The following CWF19L2 variants were observed in gnomAD, a reference collection of about 807,000 sequenced individuals.
CWF19L2 encodes CWF19-like protein 2.
Under a neutral mutation model 111.7 loss-of-function variants are expected in CWF19L2, and 98 were observed. The observed-to-expected ratio is 0.88, with a 90% CI of 0.75 to 1.04. The LOEUF (loss-of-function observed/expected upper bound fraction) is 1.04. CWF19L2 is among the 50% of genes least tolerant of loss of function. CWF19L2 has a pLI of 0.00. For missense variants in CWF19L2, 1,101 were observed against 1,051.4 expected, an observed-to-expected ratio of 1.05 and a Z score of -0.65; for synonymous variants, 351 against 342.9, an observed-to-expected ratio of 1.02 and a Z score of -0.26.
chr11:107,388,229 A>G (rs1168508062), intron 12 of CWF19L2, among the ~76,000 whole-genome samples: 2 of 152,202 alleles, frequency 1.3e-5, no homozygotes, highest in Non-Finnish European at 2.9e-5. Flanking sequence ...ATATTGTTAC[A>G]TAGTTTATAT....
At chr11:107,348,197 T>C (rs1207769154) in intron 14 of CWF19L2, among the ~76,000 whole-genome samples, 1 of 152,160 alleles carries the variant, frequency 6.6e-6, no homozygotes, top group Admixed American at 6.6e-5. Flanking sequence ...CTTATCAGCA[T>C]GCTGCAAAGA....
rs143772708 is a variant in CWF19L2 at position 107,441,546 on chromosome 11, G to A, written c.527C>T (p.Thr176Ile). Residue 176 changes from threonine (T) to isoleucine (I), a missense_variant, in exon 5 of 18, where the codon ACT becomes ATT. Transcript: ENST00000282251. ...SSSSLKAEKE[T>I]MRKIEQEKNQ... is the part of the protein sequence containing the mutation. ...TTTCTCTTGCTCTATTTTCCTCATA[G>A]TTTCCTTTTCAGCTTTGAGTGATGA... 218 of 1,550,460 alleles carry A rather than the reference G, an allele frequency of 1.4e-4. 2 individuals carry two copies. The African/African-American group carries it at 2.8e-3, about 20-fold the overall frequency.
At chr11:107,356,565 A>G (rs1860239879) in intron 12 of CWF19L2, among the ~76,000 whole-genome samples, 1 of 152,194 alleles carries the variant, frequency 6.6e-6, no homozygotes, top group Admixed American at 6.5e-5. Context: ...ACAAATTATT[A>G]TTTTAAATTT....
intron 6 of CWF19L2, among the ~76,000 whole-genome samples, chr11:107,436,020 G>C (rs1055812821): frequency 9.9e-5 from 15 of 151,986 alleles, no homozygotes; most frequent in Non-Finnish European, 1.5e-4. Context: ...TGGGTGTGGT[G>C]GCATGCACCT....
chr11:107,373,331 C>A (rs1416486989), intron 12 of CWF19L2, among the ~76,000 whole-genome samples: 1 of 130,480 alleles, frequency 7.7e-6, no homozygotes, highest in Non-Finnish European at 1.6e-5. Flanking sequence ...CACAGACAAA[C>A]AAAAAGACAG....
intron 8 of CWF19L2, among the ~76,000 whole-genome samples, chr11:107,422,052 T>A (rs879229308): frequency 1.3e-5 from 2 of 152,022 alleles, no homozygotes; most frequent in African/African-American, 4.8e-5. Flanking sequence ...TACTGACATA[T>A]GCAACAACAT....
chr11:107,364,476 T>G (rs1253942206), intron 12 of CWF19L2, among the ~76,000 whole-genome samples: 2 of 148,032 alleles, frequency 1.4e-5, no homozygotes, highest in Admixed American at 6.7e-5. Context: ...AAACTCTCTC[T>G]CAGACCACAG....
chr11:107,395,680 G>A (rs1004916131), intron 10 of CWF19L2, among the ~76,000 whole-genome samples: 43 of 152,150 alleles, frequency 2.8e-4, no homozygotes, highest in African/African-American at 7.9e-4. Flanking sequence ...TTTTGTAAAC[G>A]TACTGTAAAT....
chr11:107,343,842 C>G (rs566999702), intron 14 of CWF19L2, among the ~76,000 whole-genome samples: 1 of 152,034 alleles, frequency 6.6e-6, no homozygotes, highest in East Asian at 1.9e-4. Context: ...AATAGAGACC[C>G]CTTACTTCCC....
rs1335381577 is a variant in CWF19L2, at chr11:107,375,364, CTTGGA to C, written c.1872+14705_1872+14709del. Among the ~76,000 whole-genome samples, 18 of 137,054 alleles carry C rather than the reference CTTGGA, an allele frequency of 1.3e-4. 2 individuals carry two copies. The highest frequency in any genetic ancestry group is 2.2e-4 in the Non-Finnish European group (14 of 63,892). 89.9% of individuals were successfully genotyped at this position (137,054 alleles called of 152,430 possible). ...CACCTATTCCAAAATTGACCACATA[CTTGGA>C]AGTAAAGCTCTCCTCAGCAAATGTA... On this transcript the variant is annotated intron_variant, in intron 12 of 17. Transcript: ENST00000282251.
At position 107,457,534 on chromosome 11, in the gene CWF19L2, A is replaced by G. The variant is rs112850419; in HGVS notation, c.105+178T>C. ...AGAATTAGCAACTGGCACCTGCCAG[A>G]ACATCTAAAAAATCGGTAGCTACAA... On this transcript the variant is annotated intron_variant, in intron 1 of 17. Transcript: ENST00000282251. 2.6e-4 allele frequency among the ~76,000 whole-genome samples: 40 copies of G among 152,324 alleles called. 2 individuals carry two copies. Among genetic ancestry groups the G allele is most frequent in the African/African-American group, 9.6e-4 (40 of 41,572 alleles).
At chr11:107,349,247 G>A (rs1485030659) in intron 13 of CWF19L2, among the ~76,000 whole-genome samples, 194 bp from the exon 14 acceptor site, 1 of 152,048 alleles carries the variant, frequency 6.6e-6, no homozygotes, top group Non-Finnish European at 1.5e-5. Context: ...ATTTTTAAAG[G>A]CATCAGGATA....
intron 10 of CWF19L2, chr11:107,403,938 G>T (rs372437374): frequency 1.0e-5 from 9 of 883,906 alleles, no homozygotes; most frequent in Middle Eastern, 6.4e-4. Context: ...TGGACCTGTC[G>T]TTTAAGGACC....
At chr11:107,341,776 A>G (rs570671246) in intron 14 of CWF19L2, among the ~76,000 whole-genome samples, 10 of 152,244 alleles carry the variant, frequency 6.6e-5, no homozygotes, top group African/African-American at 2.4e-4. Flanking sequence ...ATTAGTTAAA[A>G]GATTGTTCAA....
chr11:107,422,402 A>C (rs1426008630), intron 8 of CWF19L2, among the ~76,000 whole-genome samples: 1 of 152,062 alleles, frequency 6.6e-6, no homozygotes, highest in Non-Finnish European at 1.5e-5. Context: ...TAATGAAAGA[A>C]AGCAGATGTG....
At chr11:107,341,026 T>C (rs958747369) in intron 14 of CWF19L2, among the ~76,000 whole-genome samples, 14 of 152,208 alleles carry the variant, frequency 9.2e-5, no homozygotes, top group South Asian at 2.1e-4. Context: ...GGTGAAAAAG[T>C]TGAGTCATCC....
At chr11:107,354,041 A>C (rs1860199228) in intron 12 of CWF19L2, among the ~76,000 whole-genome samples, 1 of 151,996 alleles carries the variant, frequency 6.6e-6, no homozygotes, top group South Asian at 2.1e-4. Flanking sequence ...AAACTGAATC[A>C]CAGAGAGGTT....
At chr11:107,421,716 C>G (rs1437322458) in intron 8 of CWF19L2, among the ~76,000 whole-genome samples, 1 of 152,068 alleles carries the variant, frequency 6.6e-6, no homozygotes, top group South Asian at 2.1e-4. Flanking sequence ...CAAGTTTTTA[C>G]AAGGATGTGG....
Position 107,416,233 on chromosome 11 carries a change from C to G in CWF19L2, c.1593G>C (p.Gln531His). 1 of 1,445,974 alleles carries G rather than the reference C, an allele frequency of 6.9e-7. No homozygotes were observed. The highest frequency in any genetic ancestry group is 1.5e-5 in the African/African-American group (1 of 68,954). The allele number at this position is 1,445,974 out of a possible 1,614,324, so 89.6% of individuals were successfully genotyped here. Reference protein sequence around the residue: ...KANKFKETITQIPKKSGVENE... With the variant: ...KANKFKETITHIPKKSGVENE... ...CCTCTACCCCAGATTTTTTTGGTAT[C>G]TGTGTTATAGTTTCTTTGAATTTAT... Residue 531 changes from glutamine (Q) to histidine (H), a missense_variant, in exon 10 of 18, where the codon CAG (glutamine) becomes CAC (histidine). Transcript: ENST00000282251.
Sources: gnomAD v4.1 joint callset for allele counts (sites outside exome capture counted in the v4.1 genomes callset) on GRCh38, gnomAD v4.1.1 for gene constraint, MANE v1.5 for transcripts, NCBI Gene and HGNC (gene_info 2026-07-23, HGNC 2026-07-21) for gene names.